Variants in NXPE4 observed in about 807,000 individuals in gnomAD.
NXPE4 encodes neurexophilin and PC-esterase domain family member 4.
A neutral mutation model predicts 33.3 loss-of-function variants in NXPE4; 42 were observed. That is an observed-to-expected ratio of 1.26 (90% confidence interval 0.98 to 1.63). NXPE4 has a LOEUF of 1.63. NXPE4 is among the 40% of genes most tolerant of loss of function. The pLI is 0.00. For missense variants in NXPE4, 709 were observed against 647.6 expected (o/e 1.09, Z -1.03); for synonymous variants, 253 against 234.9 (o/e 1.08, Z -0.71).
intron 5 of NXPE4, among the ~76,000 whole-genome samples, chr11:114,574,141 ATTAAAAAATT>A (rs1469881827): frequency 6.6e-6 from 1 of 152,178 alleles, no homozygotes; most frequent in Admixed American, 6.5e-5. Context: ...CAAGATGGAA[ATTAAAAAATT>A]CTTTGAACTG....
chr11:114,627,937 T>A, the NXPE4 span, among the ~76,000 whole-genome samples: 52 of 152,036 alleles, frequency 3.4e-4, no homozygotes, highest in Non-Finnish European at 6.3e-4. Flanking sequence ...CATTATTTAA[T>A]GGTAAAGGGA....
the NXPE4 span, among the ~76,000 whole-genome samples, chr11:114,627,732 T>A: frequency 0.016 from 2,450 of 152,102 alleles, 72 homozygotes; most frequent in African/African-American, 0.054. Flanking sequence ...GGCAAATTGG[T>A]TAAAGAGTCA....
chr11:114,608,207 A>C, the NXPE4 span, among the ~76,000 whole-genome samples: 1 of 151,554 alleles, frequency 6.6e-6, no homozygotes, highest in Non-Finnish European at 1.5e-5. Flanking sequence ...TACCCGGTGG[A>C]TAATACGTGT....
At chr11:114,653,192 C>G in the NXPE4 span, among the ~76,000 whole-genome samples, 1 of 152,038 alleles carries the variant, frequency 6.6e-6, no homozygotes, top group Non-Finnish European at 1.5e-5. Flanking sequence ...GTTTTTAAAA[C>G]AAAACATTTA....
At chr11:114,670,843 T>G in the NXPE4 span, among the ~76,000 whole-genome samples, 1 of 151,492 alleles carries the variant, frequency 6.6e-6, no homozygotes, top group Non-Finnish European at 1.5e-5. Context: ...CAGGAGAGAA[T>G]GACTCACGAA....
chr11:114,661,337 G>A, the NXPE4 span, among the ~76,000 whole-genome samples: 2 of 152,154 alleles, frequency 1.3e-5, no homozygotes, highest in Admixed American at 1.3e-4. Flanking sequence ...ACTCTGCAAA[G>A]GTTCTTGAGT....
chr11:114,665,273 T>C, the NXPE4 span, among the ~76,000 whole-genome samples: 4 of 152,292 alleles, frequency 2.6e-5, no homozygotes, highest in African/African-American at 9.6e-5. Context: ...CTTTAAGTCA[T>C]TTGAAATGCT....
the NXPE4 span, among the ~76,000 whole-genome samples, chr11:114,638,333 C>G: frequency 6.6e-5 from 10 of 152,082 alleles, no homozygotes; most frequent in East Asian, 1.2e-3. Context: ...TTAAGCACTT[C>G]TCTGTATTGG....
At chr11:114,668,593 T>C in the NXPE4 span, among the ~76,000 whole-genome samples, 1 of 151,904 alleles carries the variant, frequency 6.6e-6, no homozygotes, top group Non-Finnish European at 1.5e-5. Context: ...AGCCATAAGG[T>C]ATATAAGGGC....
At chr11:114,667,150 G>A in the NXPE4 span, among the ~76,000 whole-genome samples, 1 of 152,050 alleles carries the variant, frequency 6.6e-6, no homozygotes, top group South Asian at 2.1e-4. Context: ...AGATATTTAC[G>A]TGAAGATCCA....
At chr11:114,589,972 T>A (rs1044616843) in intron 2 of NXPE4, among the ~76,000 whole-genome samples, 1 of 152,228 alleles carries the variant, frequency 6.6e-6, no homozygotes. Context: ...GTTTACAGTC[T>A]TAGATTTAAA....
the NXPE4 span, among the ~76,000 whole-genome samples, chr11:114,631,006 T>C: frequency 6.6e-5 from 10 of 151,062 alleles, 1 homozygote; most frequent in Admixed American, 2.6e-4. Flanking sequence ...ATGGCAATCA[T>C]TAAAAAGTCA....
At chr11:114,597,565 C>T (rs940761127), upstream of NXPE4, among the ~76,000 whole-genome samples, 11 of 152,150 alleles carry the variant, frequency 7.2e-5, no homozygotes, top group Non-Finnish European at 8.8e-5. Flanking sequence ...TTTTCAAGCT[C>T]TGTCCATAGA....
At chr11:114,677,747 C>A in the NXPE4 span, among the ~76,000 whole-genome samples, 2 of 151,884 alleles carry the variant, frequency 1.3e-5, no homozygotes, top group African/African-American at 4.8e-5. Flanking sequence ...ATGTATATAT[C>A]CATATTTATA....
intron 5 of NXPE4, among the ~76,000 whole-genome samples, chr11:114,573,025 C>A (rs1360992611): frequency 6.6e-6 from 1 of 152,146 alleles, no homozygotes; most frequent in Non-Finnish European, 1.5e-5. Flanking sequence ...TCAGCAGAAA[C>A]CCTACAAGCT....
At chr11:114,578,764 C>A (rs1162138364) in intron 5 of NXPE4, among the ~76,000 whole-genome samples, 4 of 152,140 alleles carry the variant, frequency 2.6e-5, no homozygotes, top group African/African-American at 9.7e-5. Flanking sequence ...GGTCTACTAG[C>A]AAATTCTGAG....
the NXPE4 span, among the ~76,000 whole-genome samples, chr11:114,628,371 C>A: frequency 1.3e-5 from 2 of 152,186 alleles, no homozygotes; most frequent in Non-Finnish European, 2.9e-5. Flanking sequence ...GAATCTCACT[C>A]AAAACCACTG....
chr11:114,673,484 GA>G, the NXPE4 span, among the ~76,000 whole-genome samples: 6 of 151,022 alleles, frequency 4.0e-5, no homozygotes, highest in Admixed American at 6.6e-5. Flanking sequence ...AATCAGAGCA[GA>G]AAAATAGAGA....
the NXPE4 span, among the ~76,000 whole-genome samples, chr11:114,617,591 C>T: frequency 5.3e-5 from 8 of 151,938 alleles, no homozygotes; most frequent in African/African-American, 1.9e-4. Flanking sequence ...CGGTGTTACC[C>T]GGTGCATAAT....
Sources: gnomAD v4.1 joint callset for allele counts (sites outside exome capture counted in the v4.1 genomes callset) on GRCh38, gnomAD v4.1.1 for gene constraint, MANE v1.5 for transcripts, NCBI Gene and HGNC (gene_info 2026-07-23, HGNC 2026-07-21) for gene names.